FGF1: variants seen among roughly 807,000 people sequenced by gnomAD.
FGF1 encodes fibroblast growth factor 1, also known as beta-endothelial cell growth factor.
Under a neutral mutation model 13.4 loss-of-function variants are expected in FGF1, and 9 were observed. The observed-to-expected ratio is 0.67, with a 90% CI of 0.40 to 1.17. The LOEUF (loss-of-function observed/expected upper bound fraction) is 1.17. FGF1 is among the 50% of genes most tolerant of loss of function. The pLI is 0.01. For missense variants in FGF1, 156 were observed against 192.7 expected, an observed-to-expected ratio of 0.81 and a Z score of 1.13; for synonymous variants, 93 against 79.0, an observed-to-expected ratio of 1.18 and a Z score of -0.94.
chr5:142,671,894 C>G (rs183094730), intron 1 of FGF1: 4 of 152,266 alleles, frequency 2.6e-5, no homozygotes, highest in Non-Finnish European at 4.4e-5. Context: ...ATGACCTTGT[C>G]TGTGGTCACA....
rs546111379 is a variant in FGF1 at position 142,601,637 on chromosome 5, C to T, written c.170-832G>A. Among the ~76,000 whole-genome samples, 3 of 152,256 alleles carry T rather than the reference C, an allele frequency of 2.0e-5. No individual in the cohort carries two copies. In the East Asian group the frequency reaches 5.8e-4, roughly 29 times the overall value. On this transcript the variant is annotated intron_variant, in intron 2 of 3. Coordinates refer to ENST00000337706, the MANE Select transcript of FGF1 (RefSeq NM_000800.5). ...AGCTAGGGGGGGCGGGTGCTACTGG[C>T]ATCTAGTGGGTAGAGGCCAGAGATG... is the stretch of plus-strand genomic sequence containing the variant.
chr5:142,628,115 G>T (rs1405043131), intron 1 of FGF1, among the ~76,000 whole-genome samples: 6 of 152,210 alleles, frequency 3.9e-5, no homozygotes, highest in Non-Finnish European at 1.5e-5. Context: ...GGAGGAAAAG[G>T]CTTGGAGGTG....
chr5:142,645,965 G>A (rs370855881), intron 1 of FGF1, among the ~76,000 whole-genome samples: 1 of 152,148 alleles, frequency 6.6e-6, no homozygotes, highest in Non-Finnish European at 1.5e-5. Flanking sequence ...CTGAAGCGCA[G>A]TGGTGCGATC....
intron 1 of FGF1, among the ~76,000 whole-genome samples, chr5:142,620,447 A>G (rs553632948): frequency 2.6e-5 from 4 of 152,282 alleles, no homozygotes; most frequent in African/African-American, 9.6e-5. Flanking sequence ...TCGTGTGGCT[A>G]TATTAATATC....
intron 1 of FGF1, among the ~76,000 whole-genome samples, chr5:142,625,408 T>C (rs962926642): frequency 6.6e-6 from 1 of 152,126 alleles, no homozygotes; most frequent in Admixed American, 6.6e-5. Flanking sequence ...TTCCCTGCAG[T>C]CTGGCTTATT....
chr5:142,694,024 G>C (rs987564420), intron 2 of FGF1, among the ~76,000 whole-genome samples: 3 of 149,638 alleles, frequency 2.0e-5, no homozygotes, highest in African/African-American at 7.5e-5. Context: ...CTTGGGTCTA[G>C]CAGTGTTTTT....
At chr5:142,676,980 T>C (rs1169413841) in intron 1 of FGF1, among the ~76,000 whole-genome samples, 1 of 152,138 alleles carries the variant, frequency 6.6e-6, no homozygotes, top group African/African-American at 2.4e-5. Flanking sequence ...TCCTATAACT[T>C]AAATACCACC....
chr5:142,644,785 C>T (rs1396515962), intron 1 of FGF1, among the ~76,000 whole-genome samples: 1 of 152,330 alleles, frequency 6.6e-6, no homozygotes, highest in Non-Finnish European at 1.5e-5. Context: ...TTGTGATAGT[C>T]TCTCCATCAT....
intron 1 of FGF1, among the ~76,000 whole-genome samples, chr5:142,618,784 A>G (rs780423891): frequency 9.9e-5 from 15 of 152,096 alleles, no homozygotes; most frequent in Admixed American, 3.9e-4. Flanking sequence ...GTTACTATAT[A>G]GTTATTACAG....
chr5:142,601,904 G>C (rs115449392), intron 2 of FGF1, among the ~76,000 whole-genome samples: 3,050 of 152,236 alleles, frequency 0.02, 125 homozygotes, highest in African/African-American at 0.069. Context: ...TCTTGAGAAA[G>C]GTGCTTTGAT....
chr5:142,629,452 C>T (rs1267959767), intron 1 of FGF1, among the ~76,000 whole-genome samples: 1 of 152,206 alleles, frequency 6.6e-6, no homozygotes, highest in East Asian at 1.9e-4. Context: ...GCATGAGCCA[C>T]TGCGCTGGGC....
chr5:142,681,361 G>A (rs997128419), intron 1 of FGF1, among the ~76,000 whole-genome samples: 15 of 152,176 alleles, frequency 9.9e-5, no homozygotes, highest in South Asian at 2.1e-4. Flanking sequence ...GGCCCAGCAC[G>A]CTTGCTGTGC....
chr5:142,608,769 C>CAT (rs1187112203), intron 2 of FGF1, among the ~76,000 whole-genome samples: 3 of 134,272 alleles, frequency 2.2e-5, no homozygotes, highest in Admixed American at 8.1e-5. Flanking sequence ...ACATATATAT[C>CAT]ATATATATAT....
chr5:142,649,322 T>C (rs1766773366), intron 1 of FGF1, among the ~76,000 whole-genome samples: 2 of 152,224 alleles, frequency 1.3e-5, no homozygotes, highest in Admixed American at 1.3e-4. Flanking sequence ...TTTCATACAT[T>C]ATTTATATTT....
chr5:142,646,840 C>T (rs893375207), intron 1 of FGF1, among the ~76,000 whole-genome samples: 6 of 152,218 alleles, frequency 3.9e-5, no homozygotes, highest in Admixed American at 2.0e-4. Context: ...TAAGACCTCA[C>T]CACCTGATGT....
At chr5:142,603,686 A>G (rs1757061143) in intron 2 of FGF1, among the ~76,000 whole-genome samples, 1 of 152,154 alleles carries the variant, frequency 6.6e-6, no homozygotes, top group Non-Finnish European at 1.5e-5. Context: ...TAAGCTGTGC[A>G]CTTTGAATTA....
intron 1 of FGF1, among the ~76,000 whole-genome samples, chr5:142,662,887 A>C (rs928518585): frequency 2.0e-5 from 3 of 152,132 alleles, no homozygotes; most frequent in African/African-American, 7.2e-5. Flanking sequence ...GCAGTGGCAC[A>C]ATCTCAGCTC....
chr5:142,683,731 G>C (rs1479657292), intron 1 of FGF1, among the ~76,000 whole-genome samples: 1 of 144,056 alleles, frequency 6.9e-6, no homozygotes, highest in Non-Finnish European at 1.5e-5. Context: ...TGAGGCAGGA[G>C]AATTGCTTGA....
At chr5:142,648,689 CAAA>C (rs11451715) in intron 1 of FGF1, among the ~76,000 whole-genome samples, 73 of 66,228 alleles carry the variant, frequency 1.1e-3, no homozygotes, top group African/African-American at 4.2e-3. Flanking sequence ...CCCCACCAAC[CAAA>C]AAAAAAAAAA....
Sources: gnomAD v4.1 joint callset for allele counts (sites outside exome capture counted in the v4.1 genomes callset) on GRCh38, gnomAD v4.1.1 for gene constraint, MANE v1.5 for transcripts, NCBI Gene and HGNC (gene_info 2026-07-23, HGNC 2026-07-21) for gene names.